RBM26: variants seen among roughly 807,000 people sequenced by gnomAD.
RBM26 encodes the protein RNA-binding protein 26.
A neutral mutation model predicts 123.6 loss-of-function variants in RBM26; 30 were observed. That is an observed-to-expected ratio of 0.24 (90% CI 0.18 to 0.33). The LOEUF is 0.33. Ranked by LOEUF, RBM26 falls within the 10% of genes least tolerant of loss-of-function variation. The pLI is 1.00. For missense variants in RBM26, 947 were observed against 1,203.6 expected, an observed-to-expected ratio of 0.79 and a Z score of 3.15; for synonymous variants, 400 against 404.4, an observed-to-expected ratio of 0.99 and a Z score of 0.13.
At chr13:79,394,267 C>T (rs2078361817) in intron 1 of RBM26, among the ~76,000 whole-genome samples, 1 of 152,158 alleles carries the variant, frequency 6.6e-6, no homozygotes, top group South Asian at 2.1e-4. Flanking sequence ...GCTTTTGAAG[C>T]AGTTTGTCAA....
intron 20 of RBM26, among the ~76,000 whole-genome samples, chr13:79,329,251 T>A (rs1317522291): frequency 6.6e-6 from 1 of 152,084 alleles, no homozygotes; most frequent in Non-Finnish European, 1.5e-5. Flanking sequence ...TGTGTATGTA[T>A]TAAAAACTTT....
chr13:79,345,476 A>G (rs141128334), intron 14 of RBM26, among the ~76,000 whole-genome samples: 72 of 152,202 alleles, frequency 4.7e-4, no homozygotes, highest in Non-Finnish European at 8.8e-4. Flanking sequence ...ATAATATATT[A>G]ATTAATGTGT....
chr13:79,372,861 AAATATATTTAT>A, intron 3 of RBM26, among the ~76,000 whole-genome samples: 1 of 66,510 alleles, frequency 1.5e-5, no homozygotes. Flanking sequence ...ATATAAATAT[AAATATATTTAT>A]AATATTTTAT....
rs1271456554 is a variant in RBM26 at position 79,344,797 on chromosome 13, A to AC, written c.2059-4dup. 1 of 1,608,118 alleles carries AC rather than the reference A, an allele frequency of 6.2e-7. No homozygotes were observed. Among genetic ancestry groups the AC allele is most frequent in the Admixed American group, 1.7e-5 (1 of 58,778 alleles). Reference sequence around the variant, plus strand: ...AGGCCAGTAGATGTAGACAACACCTACCAATACAAATTCAACTTTTAAAAA... The same window carrying AC: ...AGGCCAGTAGATGTAGACAACACCTACCCAATACAAATTCAACTTTTAAAAA... On this transcript the variant is annotated splice_polypyrimidine_tract_variant and splice_region_variant and intron_variant, in intron 14 of 21. Transcript: ENST00000438737.
rs193030644 is a variant in RBM26 at position 79,386,516 on chromosome 13, G to A, written c.72-7609C>T. Among the ~76,000 whole-genome samples the A allele has an allele frequency of 7.2e-5, 10 of 138,954 alleles. No homozygotes were observed. In the East Asian group the frequency reaches 2.2e-3, roughly 31 times the overall value. 91.2% of individuals were successfully genotyped at this position (138,954 alleles called of 152,430 possible). ...GTACTGTTCAGTGCAAACAGCAGCAGCCCAAATGACAAATTAAGCCCAGAT... is the reference window on the plus strand; with the variant it reads ...GTACTGTTCAGTGCAAACAGCAGCAACCCAAATGACAAATTAAGCCCAGAT... On this transcript the variant is annotated intron_variant, in intron 1 of 21. Coordinates refer to ENST00000438737, the MANE Select transcript of RBM26 (RefSeq NM_001366735.2).
At chr13:79,372,049 G>A in intron 3 of RBM26, 119 bp from the exon 4 acceptor site, 1 of 679,882 alleles carries the variant, frequency 1.5e-6, no homozygotes. Context: ...GGGAGGCTGA[G>A]GCGGGTGGTT....
chr13:79,327,759 T>C (rs1381504829), intron 20 of RBM26, among the ~76,000 whole-genome samples: 1 of 152,112 alleles, frequency 6.6e-6, no homozygotes, highest in Non-Finnish European at 1.5e-5. Flanking sequence ...GTATGTTGTC[T>C]ATATAAAGAA....
Position 79,371,728 on chromosome 13 carries a change from C to A in RBM26, c.416+114G>T, listed in dbSNP as rs924129925. The A allele has an allele frequency of 4.3e-6, 3 of 703,190 alleles. No individual in the cohort carries two copies. In the African/African-American group the frequency reaches 5.4e-5, roughly 13 times the overall value. 43.6% of individuals were successfully genotyped at this position (703,190 alleles called of 1,614,324 possible). On this transcript the variant is annotated intron_variant, in intron 4 of 21. Coordinates refer to ENST00000438737, the MANE Select transcript of RBM26 (RefSeq NM_001366735.2). ...ACGGACCTAGTTATATTTTCCTAGA[C>A]CAATAAAAGAGTAGATATTACTTGC...
At chr13:79,370,830 A>G in intron 5 of RBM26, 115 bp downstream of exon 5, 1 of 1,118,634 alleles carries the variant, frequency 8.9e-7, no homozygotes, top group South Asian at 1.5e-5. Context: ...CTTGGACCAC[A>G]GAATACATCA....
intron 18 of RBM26, 114 bp downstream of exon 18, chr13:79,341,008 AG>A (rs1336988196): frequency 1.7e-6 from 1 of 583,234 alleles, no homozygotes. Flanking sequence ...TATGTATGCC[AG>A]GGATTACCAA....
At position 79,377,442 on chromosome 13, in the gene RBM26, T is replaced by C. The variant is rs753021610; in HGVS notation, c.264A>G (p.Pro88=). 6 of 1,613,252 alleles carry C rather than the reference T, an allele frequency of 3.7e-6. No homozygotes were observed. Among genetic ancestry groups the C allele is most frequent in the Non-Finnish European group, 5.1e-6 (6 of 1,179,184 alleles). ...ATTCTACCTTCAGGCTTCCTGATGATGGCTGCTCTGGAGGAGGTAGGTAAC... is the reference window on the plus strand; with the variant it reads ...ATTCTACCTTCAGGCTTCCTGATGACGGCTGCTCTGGAGGAGGTAGGTAAC... ...TKSYLPPPEQ[P]SSGSLKVEFF... Residue 88 remains proline, a synonymous_variant, in exon 3 of 22, where the codon CCA becomes CCG. Coordinates refer to ENST00000438737, the MANE Select transcript of RBM26 (RefSeq NM_001366735.2).
intron 19 of RBM26, among the ~76,000 whole-genome samples, chr13:79,336,581 A>T (rs1445380249): frequency 2.0e-5 from 3 of 152,204 alleles, no homozygotes; most frequent in Non-Finnish European, 4.4e-5. Context: ...ATTAACAGAG[A>T]CTAGAATCCC....
chr13:79,400,702 C>T (rs780300863), intron 1 of RBM26, among the ~76,000 whole-genome samples: 44 of 152,218 alleles, frequency 2.9e-4, no homozygotes, highest in Middle Eastern at 6.8e-3. Flanking sequence ...GGAACCAACA[C>T]ATTAGGGATT....
intron 1 of RBM26, among the ~76,000 whole-genome samples, chr13:79,387,061 G>A (rs3742122): frequency 0.36 from 54,582 of 151,634 alleles, 11,542 homozygotes; most frequent in Middle Eastern, 0.52. Flanking sequence ...TTTCTGATAC[G>A]GTTACCACAG....
intron 1 of RBM26, among the ~76,000 whole-genome samples, chr13:79,396,825 T>C (rs546226593): frequency 3.3e-5 from 5 of 152,282 alleles, no homozygotes; most frequent in African/African-American, 1.2e-4. Flanking sequence ...TGAAAAGCAA[T>C]CCATGTAATA....
At chr13:79,355,854 G>T (rs1005697332) in intron 11 of RBM26, among the ~76,000 whole-genome samples, 2 of 110,440 alleles carry the variant, frequency 1.8e-5, no homozygotes, top group Non-Finnish European at 4.0e-5. Flanking sequence ...GAAAATTTAA[G>T]AACAAAAAAA....
chr13:79,349,771 C>T (rs1258231880), intron 14 of RBM26, among the ~76,000 whole-genome samples: 3 of 151,380 alleles, frequency 2.0e-5, no homozygotes, highest in Admixed American at 6.6e-5. Flanking sequence ...GCCATCTCGG[C>T]TCATTGCAAC....
Position 79,349,737 on chromosome 13 carries a change from C to A in RBM26, c.2058+3416G>T, listed in dbSNP as rs2139365347. Among the ~76,000 whole-genome samples the A allele has an allele frequency of 3.3e-5, 5 of 150,600 alleles. No individual in the cohort carries two copies. The South Asian group carries it at 1.1e-3, about 32-fold the overall frequency. ...TTTTTTGAGACAGAGTCTAGCTCTG[C>A]CACCCAGGCTGGGGTGCAGTGGCGC... On this transcript the variant is annotated intron_variant, in intron 14 of 21. Transcript: ENST00000438737.
intron 14 of RBM26, among the ~76,000 whole-genome samples, chr13:79,349,895 A>C (rs2072975090): frequency 6.6e-6 from 1 of 152,028 alleles, no homozygotes; most frequent in African/African-American, 2.4e-5. Context: ...ACAGGGTTTC[A>C]CTGTATTGGC....
Sources: gnomAD v4.1 joint callset for allele counts (sites outside exome capture counted in the v4.1 genomes callset) on GRCh38, gnomAD v4.1.1 for gene constraint, MANE v1.5 for transcripts, NCBI Gene and HGNC (gene_info 2026-07-23, HGNC 2026-07-21) for gene names.